The following ARSK variants were observed in gnomAD, a reference collection of about 807,000 sequenced individuals.
ARSK encodes the protein arylsulfatase K.
In ARSK, 37 loss-of-function variants were observed where a neutral mutation model predicts 53.2. The ratio of observed to expected loss-of-function variants is 0.70; its 90% CI spans 0.54 to 0.92. ARSK has a LOEUF of 0.92. Among genes scored for constraint, ARSK ranks in the 40% least tolerant of loss-of-function variants. The pLI, the probability that ARSK is intolerant of heterozygous loss-of-function variation, is 0.00. For synonymous variants in ARSK, 208 were observed against 223.2 expected (o/e 0.93, Z 0.61); for missense variants, 613 against 643.0 (o/e 0.95, Z 0.51).
At position 95,583,019 on chromosome 5, in the gene ARSK, G is replaced by C. The variant is rs770152788; in HGVS notation, c.520G>C (p.Glu174Gln). The C allele has an allele frequency of 6.2e-7, 1 of 1,613,872 alleles. No individual in the cohort carries two copies. The part of the protein sequence containing the change: ...IRNRTKVRVM[E>Q]RDWQNTDKAV... ...TAACAGGACTAAAGTCAGAGTGATG[G>C]AAAGGGATTGGCAGAATACAGACAA... The change falls in exon 4 of 8, where the codon GAA becomes CAA. Residue 174 changes from glutamate to glutamine, a missense_variant. Coordinates refer to ENST00000380009, the MANE Select transcript of ARSK (RefSeq NM_198150.3).
At position 95,591,616 on chromosome 5, in the gene ARSK, A is replaced by G; in HGVS notation, c.1087A>G (p.Thr363Ala). 2 of 1,613,782 alleles carry G rather than the reference A, an allele frequency of 1.2e-6. No homozygotes were observed. Among genetic ancestry groups the G allele is most frequent in the Non-Finnish European group, 1.7e-6 (2 of 1,179,680 alleles). Residue 363 changes from threonine to alanine, a missense_variant, in exon 6 of 8, where the codon ACC (threonine) becomes GCC (alanine). Coordinates refer to ENST00000380009, the MANE Select transcript of ARSK (RefSeq NM_198150.3). ...NVVSLVDIYP[T>A]MLDIAGIPLP... ...GGTTTCTCTTGTGGATATTTACCCT[A>G]CCATGCTTGGTAAGTAATGTAGTTC...
At chr5:95,558,362 T>C (rs1180428027) in intron 1 of ARSK, among the ~76,000 whole-genome samples, 1 of 151,968 alleles carries the variant, frequency 6.6e-6, no homozygotes, top group Non-Finnish European at 1.5e-5. Flanking sequence ...GAGGAAATAA[T>C]AAGGATTAGG....
At chr5:95,585,672 G>A (rs1749100189) in intron 4 of ARSK, among the ~76,000 whole-genome samples, 2 of 152,144 alleles carry the variant, frequency 1.3e-5, no homozygotes. Flanking sequence ...GGGGAAGGTG[G>A]ATAGGCGTGA....
rs1748761014 is a variant in ARSK, at chr5:95,568,124, A to G, written c.416+75A>G. 4 of 1,399,838 alleles carry G rather than the reference A, an allele frequency of 2.9e-6. No individual in the cohort carries two copies. In the South Asian group the frequency reaches 5.1e-5, roughly 18 times the overall value. The allele number at this position is 1,399,838 out of a possible 1,614,324, so 86.7% of individuals were successfully genotyped here. ...TGTACATGTACTCTTTTTGACTTTAATTTTTTTATTTTTCCACAAAGGTGA... is the reference window on the plus strand; with the variant it reads ...TGTACATGTACTCTTTTTGACTTTAGTTTTTTTATTTTTCCACAAAGGTGA... On this transcript the variant is annotated intron_variant, in intron 3 of 7. Coordinates refer to ENST00000380009, the MANE Select transcript of ARSK (RefSeq NM_198150.3).
intron 6 of ARSK, among the ~76,000 whole-genome samples, chr5:95,597,904 A>AAGGG (rs1479409515): frequency 7.3e-6 from 1 of 136,584 alleles, no homozygotes; most frequent in Non-Finnish European, 1.6e-5. Context: ...AAAAAAAAAA[A>AAGGG]GTGGGGGGCG....
intron 6 of ARSK, among the ~76,000 whole-genome samples, chr5:95,597,315 A>G (rs889162828): frequency 3.9e-5 from 6 of 152,228 alleles, no homozygotes; most frequent in Admixed American, 2.6e-4. Flanking sequence ...AGTTAAAAGA[A>G]TATTTCATTG....
chr5:95,566,116 C>G lies in ARSK; in HGVS notation c.245C>G (p.Pro82Arg). 1 of 1,613,350 alleles carries G rather than the reference C, an allele frequency of 6.2e-7. No homozygotes were observed. The highest frequency in any genetic ancestry group is 8.5e-7 in the Non-Finnish European group (1 of 1,179,798). ...TACACAAACTCTCCAATTTGTTGCCCATCACGCGCAGGTATGAACATCCTT... is the reference window on the plus strand; with the variant it reads ...TACACAAACTCTCCAATTTGTTGCCGATCACGCGCAGGTATGAACATCCTT... ...NAYTNSPICC[P>R]SRAAMWSGLF... The change falls in exon 2 of 8, where the codon CCA becomes CGA. Residue 82 changes from proline to arginine, a missense_variant. Physicochemically the swap from Pro to Arg is moderately radical, Grantham distance 103. Transcript: ENST00000380009.
intron 3 of ARSK, among the ~76,000 whole-genome samples, chr5:95,577,698 A>G (rs914510305): frequency 6.6e-6 from 1 of 152,174 alleles, no homozygotes; most frequent in Non-Finnish European, 1.5e-5. Context: ...GCTAGGTGAG[A>G]TTTCACAAGA....
chr5:95,564,922 T>C (rs1021154860), intron 1 of ARSK, among the ~76,000 whole-genome samples: 12 of 152,342 alleles, frequency 7.9e-5, no homozygotes, highest in Middle Eastern at 3.4e-3. Context: ...ATATGTTAAA[T>C]ACTCCCAAGT....
At chr5:95,600,568 T>C (rs1749384142) in intron 6 of ARSK, 4 of 562,066 alleles carry the variant, frequency 7.1e-6, no homozygotes, top group Non-Finnish European at 1.0e-5. Flanking sequence ...AAGTATCTTA[T>C]TTAAACCTAA....
chr5:95,587,760 G>T (rs1297786814), intron 5 of ARSK, among the ~76,000 whole-genome samples: 1 of 152,038 alleles, frequency 6.6e-6, no homozygotes, highest in Non-Finnish European at 1.5e-5. Context: ...ACAAAATTTA[G>T]CCGGGTGTGG....
At chr5:95,595,363 A>G (rs1342415057) in intron 6 of ARSK, among the ~76,000 whole-genome samples, 1 of 152,226 alleles carries the variant, frequency 6.6e-6, no homozygotes, top group Non-Finnish European at 1.5e-5. Flanking sequence ...AAATCATTCT[A>G]CCAAAAAGAC....
intron 6 of ARSK, among the ~76,000 whole-genome samples, chr5:95,595,044 ATAT>A (rs1373453330): frequency 6.6e-6 from 1 of 152,222 alleles, no homozygotes; most frequent in East Asian, 1.9e-4. Context: ...ATTTATTACC[ATAT>A]TAAGAATTAG....
chr5:95,597,905 GT>G (rs67591835), intron 6 of ARSK, among the ~76,000 whole-genome samples: 3,810 of 114,652 alleles, frequency 0.033, 161 homozygotes, highest in African/African-American at 0.11. Flanking sequence ...AAAAAAAAAA[GT>G]GGGGGGCGGG....
chr5:95,571,863 A>G (rs1037674347), intron 3 of ARSK, among the ~76,000 whole-genome samples: 4 of 152,224 alleles, frequency 2.6e-5, no homozygotes, highest in African/African-American at 9.6e-5. Context: ...ATTACTTTTC[A>G]GTGTAAACTT....
intron 3 of ARSK, among the ~76,000 whole-genome samples, chr5:95,570,939 G>C (rs942430379): frequency 3.3e-5 from 5 of 152,168 alleles, no homozygotes; most frequent in Admixed American, 6.5e-5. Flanking sequence ...GGGCCACTAC[G>C]CCCAACTAAT....
intron 3 of ARSK, among the ~76,000 whole-genome samples, chr5:95,574,006 C>A (rs1300197333): frequency 6.6e-6 from 1 of 152,110 alleles, no homozygotes; most frequent in African/African-American, 2.4e-5. Flanking sequence ...CCACTGCCCC[C>A]ACCCCAACTA....
intron 3 of ARSK, among the ~76,000 whole-genome samples, chr5:95,577,744 T>A (rs1379576455): frequency 6.6e-6 from 1 of 152,110 alleles, no homozygotes; most frequent in Admixed American, 6.6e-5. Flanking sequence ...CACACACACA[T>A]GCAAACAAAA....
intron 2 of ARSK, among the ~76,000 whole-genome samples, chr5:95,566,613 T>A (rs1231610094): frequency 6.6e-6 from 1 of 152,200 alleles, no homozygotes; most frequent in African/African-American, 2.4e-5. Context: ...TTCACTTTTA[T>A]CCCAAGTCAA....
Sources: allele counts gnomAD v4.1 joint callset (sites outside exome capture counted in the v4.1 genomes callset), GRCh38; gene constraint gnomAD v4.1.1; transcripts MANE v1.5; gene names NCBI Gene and HGNC (gene_info 2026-07-23, HGNC 2026-07-21).